SLC15A5: variants seen among roughly 807,000 people sequenced by gnomAD.
The protein encoded by SLC15A5 is Peptide/histidine transporter ENSP00000340402.
In SLC15A5, 58 loss-of-function variants were observed where a neutral mutation model predicts 56.1. The ratio of observed to expected loss-of-function variants is 1.03; its 90% CI spans 0.84 to 1.29. The LOEUF (loss-of-function observed/expected upper bound fraction) is 1.29, where lower values mean the gene tolerates loss of function less well. Ranked by LOEUF, SLC15A5 falls within the 50% of genes most tolerant of loss-of-function variation. SLC15A5 has a pLI of 0.00. For synonymous variants in SLC15A5, 264 were observed against 250.5 expected, an observed-to-expected ratio of 1.05 and a Z score of -0.51; for missense variants, 681 against 672.1, an observed-to-expected ratio of 1.01 and a Z score of -0.15.
At chr12:16,206,564 T>G (rs373947091) in intron 7 of SLC15A5, among the ~76,000 whole-genome samples, 4 of 152,184 alleles carry the variant, frequency 2.6e-5, no homozygotes, top group African/African-American at 9.6e-5. Flanking sequence ...TTTATTACCC[T>G]CAATTTATAA....
At chr12:16,273,377 G>T (rs1864781837) in intron 1 of SLC15A5, among the ~76,000 whole-genome samples, 1 of 151,884 alleles carries the variant, frequency 6.6e-6, no homozygotes, top group African/African-American at 2.4e-5. Flanking sequence ...ACAGAGTTGA[G>T]AAAGCTGGGG....
Position 16,219,794 on chromosome 12 carries a change from A to G in SLC15A5, c.1352-2770T>C, listed in dbSNP as rs576008505. Among the ~76,000 whole-genome samples the G allele has an allele frequency of 2.6e-5, 4 of 152,142 alleles. No homozygotes were observed. The South Asian group carries it at 8.3e-4, about 32-fold the overall frequency. ...TCCGAGATATTTCTTTTAGCCCATTACAATGTAGATAATATCAATAAGTCT... is the reference window on the plus strand; with the variant it reads ...TCCGAGATATTTCTTTTAGCCCATTGCAATGTAGATAATATCAATAAGTCT... On this transcript the variant is annotated intron_variant, in intron 6 of 8. Transcript: ENST00000344941.
intron 7 of SLC15A5, among the ~76,000 whole-genome samples, chr12:16,215,202 C>CAAA (rs33944569): frequency 5.8e-4 from 7 of 12,024 alleles, no homozygotes; most frequent in Non-Finnish European, 6.9e-4. Context: ...GACTCTTTCT[C>CAAA]AAAAAAAAAA....
rs1041204679 is a variant in SLC15A5, at chr12:16,237,469, G to A, written c.1162+2212C>T. On this transcript the variant is annotated intron_variant, in intron 5 of 8. Transcript: ENST00000344941. The surrounding 1 kb of genome is among the most constrained non-coding windows in gnomAD (Gnocchi z 4.1). ...AGTTTTTCCTTTTTCCTGTGCAATA[G>A]GTCTTGTTACCAATCTTGAAGGGGA... Among the ~76,000 whole-genome samples, 3 of 152,040 alleles carry A rather than the reference G, an allele frequency of 2.0e-5. No individual in the cohort carries two copies. The East Asian group carries it at 5.8e-4, about 29-fold the overall frequency.
chr12:16,240,973 T>C (rs1864408938), intron 4 of SLC15A5, among the ~76,000 whole-genome samples: 2 of 151,976 alleles, frequency 1.3e-5, no homozygotes, highest in African/African-American at 2.4e-5. Context: ...CCACCACGCC[T>C]GGCTAATTTT....
chr12:16,228,672 A>G (rs1864266917), intron 5 of SLC15A5, among the ~76,000 whole-genome samples: 3 of 152,126 alleles, frequency 2.0e-5, no homozygotes, highest in South Asian at 2.1e-4. Context: ...CAGCCTACTC[A>G]GTGTGAAGAC....
chr12:16,256,900 G>A (rs988315217), intron 3 of SLC15A5, among the ~76,000 whole-genome samples: 1 of 115,748 alleles, frequency 8.6e-6, no homozygotes, highest in Non-Finnish European at 1.8e-5. Context: ...AATAGAGATA[G>A]AGATGCATGG....
intron 8 of SLC15A5, 80 bp from the exon 9 acceptor site, chr12:16,189,895 G>T: frequency 9.3e-7 from 1 of 1,078,580 alleles, no homozygotes; most frequent in Non-Finnish European, 1.3e-6. Flanking sequence ...TCCTGCGCTT[G>T]TCTACCTTTT....
chr12:16,241,343 C>G (rs765826556), intron 4 of SLC15A5, among the ~76,000 whole-genome samples: 5 of 152,198 alleles, frequency 3.3e-5, no homozygotes, highest in Non-Finnish European at 7.3e-5. Context: ...AACCCCTTCT[C>G]TAGACTCAAT....
chr12:16,254,288 A>G (rs1031951964), intron 3 of SLC15A5, among the ~76,000 whole-genome samples: 4 of 152,156 alleles, frequency 2.6e-5, no homozygotes, highest in Non-Finnish European at 4.4e-5. Context: ...AAAAAATAGA[A>G]ACAGAAAGTA....
chr12:16,264,287 C>T (rs1298480052), intron 2 of SLC15A5, among the ~76,000 whole-genome samples: 2 of 152,210 alleles, frequency 1.3e-5, no homozygotes, highest in Non-Finnish European at 2.9e-5. Flanking sequence ...TTTGACTACC[C>T]TGCTGCATTT....
intron 6 of SLC15A5, 90 bp downstream of exon 6, chr12:16,224,324 A>G: frequency 8.1e-7 from 1 of 1,239,888 alleles, no homozygotes; most frequent in Non-Finnish European, 1.1e-6. Flanking sequence ...TGAATAGATG[A>G]CATACCACTT....
intron 3 of SLC15A5, among the ~76,000 whole-genome samples, chr12:16,257,189 C>T (rs2136806921): frequency 6.6e-6 from 1 of 152,040 alleles, no homozygotes; most frequent in East Asian, 1.9e-4. Context: ...TGGAATTTAA[C>T]TTTTATGTAT....
intron 8 of SLC15A5, among the ~76,000 whole-genome samples, chr12:16,192,259 C>G (rs1189622291): frequency 1.3e-5 from 2 of 152,014 alleles, no homozygotes; most frequent in African/African-American, 4.8e-5. Flanking sequence ...TTCCTTCTTG[C>G]TTTGTTTCTT....
rs914241847 is a variant in SLC15A5 at position 16,244,579 on chromosome 12, C to A, written c.975+1G>T. 9 of 1,537,088 alleles carry A rather than the reference C, an allele frequency of 5.9e-6. No homozygotes were observed. The highest frequency in any genetic ancestry group is 2.0e-5 in the Admixed American group (1 of 50,976). The stretch of plus-strand genomic sequence containing the variant: ...GGGTAGTACTCATCGCCTGTCCTTA[C>A]CTGCATAATGCACATTCTGTATAGG... On this transcript the variant is annotated splice_donor_variant, in intron 4 of 8. Transcript: ENST00000344941. LOFTEE classifies it high-confidence loss of function.
At chr12:16,191,335 C>A (rs1285759547) in intron 8 of SLC15A5, among the ~76,000 whole-genome samples, 1 of 151,972 alleles carries the variant, frequency 6.6e-6, no homozygotes, top group African/African-American at 2.4e-5. Context: ...GTCTAGGGTG[C>A]TAAAACAGAC....
intron 3 of SLC15A5, among the ~76,000 whole-genome samples, chr12:16,246,404 T>G (rs1198471042): frequency 6.6e-6 from 1 of 152,216 alleles, no homozygotes; most frequent in African/African-American, 2.4e-5. Context: ...TTAGGTAAGA[T>G]GAGAACAGAG....
intron 7 of SLC15A5, among the ~76,000 whole-genome samples, chr12:16,214,509 C>T (rs1205470367): frequency 6.6e-6 from 1 of 152,188 alleles, no homozygotes; most frequent in Non-Finnish European, 1.5e-5. Context: ...TATACCAGCC[C>T]AACTTCTGGG....
intron 2 of SLC15A5, among the ~76,000 whole-genome samples, chr12:16,259,091 G>A (rs980355837): frequency 7.8e-6 from 1 of 128,896 alleles, no homozygotes; most frequent in Non-Finnish European, 1.6e-5. Flanking sequence ...GAATGCAGTG[G>A]TGCAATCATG....
Sources: allele counts gnomAD v4.1 joint callset (sites outside exome capture counted in the v4.1 genomes callset), GRCh38; gene constraint gnomAD v4.1.1; non-coding constraint Gnocchi (gnomAD v3.1); transcripts MANE v1.5; gene names NCBI Gene and HGNC (gene_info 2026-07-23, HGNC 2026-07-21).